Variants in FSHR observed in about 807,000 individuals in gnomAD.
The protein encoded by FSHR is follicle-stimulating hormone receptor.
FSHR carries 46 observed loss-of-function variants against 52.1 expected under a neutral mutation model. That is an observed-to-expected ratio of 0.88 (90% CI 0.70 to 1.13). The LOEUF is 1.13. Among genes scored for constraint, FSHR ranks in the 50% most tolerant of loss-of-function variants. FSHR has a pLI of 0.00. For synonymous variants in FSHR, 399 were observed against 309.6 expected, an observed-to-expected ratio of 1.29 and a Z score of -3.03; for missense variants, 964 against 834.6, an observed-to-expected ratio of 1.16 and a Z score of -1.91.
intron 2 of FSHR, among the ~76,000 whole-genome samples, chr2:49,048,261 A>AT (rs1333958126): frequency 7.4e-4 from 82 of 110,540 alleles, no homozygotes; most frequent in African/African-American, 2.2e-3. Flanking sequence ...GTTGAGGATG[A>AT]TAAAAAAAAA....
intron 1 of FSHR, among the ~76,000 whole-genome samples, chr2:49,107,103 G>C (rs987939562): frequency 6.6e-6 from 1 of 151,936 alleles, no homozygotes; most frequent in South Asian, 2.1e-4. Context: ...CAAACTCCTC[G>C]CCATTTATGA....
At chr2:49,116,236 G>C (rs578060667) in intron 1 of FSHR, among the ~76,000 whole-genome samples, 27 of 152,258 alleles carry the variant, frequency 1.8e-4, no homozygotes, top group African/African-American at 6.3e-4. Context: ...GAGGAAAATA[G>C]GGAACCCTGA....
At chr2:48,990,751 C>T (rs1004621751) in intron 4 of FSHR, 114 bp from the exon 5 acceptor site, 35 of 758,112 alleles carry the variant, frequency 4.6e-5, no homozygotes, top group African/African-American at 4.1e-4. Flanking sequence ...GAAAAATCTA[C>T]GAGAAAAGCC....
intron 1 of FSHR, among the ~76,000 whole-genome samples, chr2:49,121,095 T>A (rs1671802671): frequency 6.6e-6 from 1 of 152,216 alleles, no homozygotes; most frequent in Non-Finnish European, 1.5e-5. Context: ...CGTGACAAGC[T>A]GTTTTGGATA....
chr2:49,097,666 G>GAAAAAAGTTCTGAGGCAGATCACCCC (rs1670876310), intron 1 of FSHR, among the ~76,000 whole-genome samples: 1 of 152,148 alleles, frequency 6.6e-6, no homozygotes, highest in Non-Finnish European at 1.5e-5. Flanking sequence ...TTAGGACAGA[G>GAAAAAAGTTCTGAGGCAGATCACCCC]AAAAAAGTTC....
chr2:49,087,070 G>GATTTTTTTTTTT (rs60949511), intron 1 of FSHR, among the ~76,000 whole-genome samples: 5 of 86,732 alleles, frequency 5.8e-5, no homozygotes, highest in African/African-American at 2.1e-4. Flanking sequence ...TGTGGGCAGG[G>GATTTTTTTTTTT]TTTTTTTTTT....
chr2:49,056,173 C>G (rs1272070368), intron 2 of FSHR, among the ~76,000 whole-genome samples: 4 of 151,686 alleles, frequency 2.6e-5, no homozygotes, highest in Non-Finnish European at 2.9e-5. Flanking sequence ...ATTAAATTTC[C>G]CATTTAAAAC....
intron 4 of FSHR, among the ~76,000 whole-genome samples, chr2:48,993,462 A>G (rs899769220): frequency 2.0e-5 from 3 of 152,070 alleles, no homozygotes; most frequent in African/African-American, 7.2e-5. Context: ...CATTTCCAAA[A>G]TATGTCTTGA....
intron 8 of FSHR, among the ~76,000 whole-genome samples, chr2:48,972,018 G>C (rs1674763313): frequency 6.6e-6 from 1 of 152,120 alleles, no homozygotes; most frequent in South Asian, 2.1e-4. Flanking sequence ...GCTAAAATTT[G>C]TATTTCTGGG....
chr2:49,010,055 C>T (rs1357323972), intron 4 of FSHR, among the ~76,000 whole-genome samples: 1 of 84,724 alleles, frequency 1.2e-5, no homozygotes, highest in Non-Finnish European at 3.1e-5. Context: ...CCAGAACTTC[C>T]AACACTATGT....
intron 2 of FSHR, among the ~76,000 whole-genome samples, chr2:49,031,294 C>T (rs955099319): frequency 5.3e-5 from 8 of 152,152 alleles, no homozygotes; most frequent in Admixed American, 2.6e-4. Flanking sequence ...TTGTGAAGCA[C>T]GCATTTGTCC....
At chr2:48,999,517 C>T (rs1025369711) in intron 4 of FSHR, among the ~76,000 whole-genome samples, 1 of 152,040 alleles carries the variant, frequency 6.6e-6, no homozygotes, top group Non-Finnish European at 1.5e-5. Flanking sequence ...GGTTCCTTAT[C>T]TCTGCAACCA....
chr2:49,121,511 G>T (rs570977858), intron 1 of FSHR, among the ~76,000 whole-genome samples: 1 of 152,148 alleles, frequency 6.6e-6, no homozygotes, highest in Non-Finnish European at 1.5e-5. Flanking sequence ...AAGCAGTGTG[G>T]GAAGTGGGTT....
At chr2:49,084,512 A>C (rs1558431938) in intron 1 of FSHR, among the ~76,000 whole-genome samples, 4 of 152,190 alleles carry the variant, frequency 2.6e-5, no homozygotes, top group Non-Finnish European at 5.9e-5. Context: ...GAACTGAAGG[A>C]AATAGAGACA....
chr2:48,962,544 G>C lies in FSHR; in HGVS notation c.*189C>G, dbSNP rs1674270849. On this transcript the variant is annotated 3_prime_UTR_variant, in exon 10 of 10. Coordinates refer to ENST00000406846, the MANE Select transcript of FSHR (RefSeq NM_000145.4). ...ATTGCATTCTTTAATTATTATTGTTGTTACTAATAATTCAGCTTCCTAATG... is the reference window on the plus strand; with the variant it reads ...ATTGCATTCTTTAATTATTATTGTTCTTACTAATAATTCAGCTTCCTAATG... The C allele has an allele frequency of 3.3e-6, 2 of 614,236 alleles. No homozygotes were observed. The highest frequency in any genetic ancestry group is 3.7e-5 in the African/African-American group (2 of 54,090). 38.0% of individuals were successfully genotyped at this position (614,236 alleles called of 1,614,324 possible).
At position 49,022,082 on chromosome 2, in the gene FSHR, A is replaced by G. The variant is rs559824027; in HGVS notation, c.225-1922T>C. On this transcript the variant is annotated intron_variant, in intron 2 of 9. Transcript: ENST00000406846. ...AGTGAAAGAATGGCACAGGTAGAGA[A>G]TAAGGCATGCAGGAAAAGGCTAGCT... 2.0e-5 allele frequency among the ~76,000 whole-genome samples: 3 copies of G among 151,536 alleles called. No individual in the cohort carries two copies. The South Asian group carries it at 6.3e-4, about 32-fold the overall frequency.
chr2:49,054,846 C>T (rs1381862803), intron 2 of FSHR, among the ~76,000 whole-genome samples: 1 of 152,006 alleles, frequency 6.6e-6, no homozygotes, highest in Admixed American at 6.6e-5. Flanking sequence ...AGTCAAAGCA[C>T]CTCACCAAAA....
intron 2 of FSHR, among the ~76,000 whole-genome samples, chr2:49,044,769 T>C (rs1668597253): frequency 6.6e-6 from 1 of 152,158 alleles, no homozygotes; most frequent in Non-Finnish European, 1.5e-5. Context: ...TGCCCTGCAC[T>C]TTCCCTCTGA....
At chr2:49,107,073 A>G (rs548476148) in intron 1 of FSHR, among the ~76,000 whole-genome samples, 14 of 152,170 alleles carry the variant, frequency 9.2e-5, no homozygotes, top group Non-Finnish European at 1.6e-4. Flanking sequence ...ATGACTCCTT[A>G]TCACCTGTAG....
Sources: gnomAD v4.1 joint callset for allele counts (sites outside exome capture counted in the v4.1 genomes callset) on GRCh38, gnomAD v4.1.1 for gene constraint, MANE v1.5 for transcripts, NCBI Gene and HGNC (gene_info 2026-07-23, HGNC 2026-07-21) for gene names.